The following PPP1R2 variants were observed in gnomAD, a reference collection of about 807,000 sequenced individuals.
PPP1R2 encodes protein phosphatase inhibitor 2.
A neutral mutation model predicts 29.9 loss-of-function variants in PPP1R2; 16 were observed. That is an observed-to-expected ratio of 0.53 (90% CI 0.36 to 0.81). The LOEUF (loss-of-function observed/expected upper bound fraction) is 0.81. PPP1R2 is among the 30% of genes least tolerant of loss of function. The probability of loss-of-function intolerance (pLI) is 0.00; values close to 1 mark genes in which losing one functional copy is unlikely to be tolerated. For missense variants in PPP1R2, 197 were observed against 252.7 expected, an observed-to-expected ratio of 0.78 and a Z score of 1.49; for synonymous variants, 76 against 91.5, an observed-to-expected ratio of 0.83 and a Z score of 0.96.
At chr3:195,519,221 G>A (rs1718665650) in intron 4 of PPP1R2, 36 bp from the exon 5 acceptor site, 28 of 1,481,422 alleles carry the variant, frequency 1.9e-5, no homozygotes, top group Non-Finnish European at 2.5e-5. Flanking sequence ...GGAAGTTTGA[G>A]CTCAAGGATT....
At position 195,523,688 on chromosome 3, in the gene PPP1R2, C is replaced by T. The variant is rs1718853411; in HGVS notation, c.403+4G>A. On this transcript the variant is annotated splice_donor_region_variant and intron_variant, in intron 4 of 5. Transcript: ENST00000618156. ...TGATGAAAGCAGTAAAGGAAATAAA[C>T]TACCTCGTTCTTCAGGTGAGAGGTC... The T allele has an allele frequency of 6.2e-7, 1 of 1,610,592 alleles. No homozygotes were observed. The highest frequency in any genetic ancestry group is 2.2e-5 in the East Asian group (1 of 44,856).
At chr3:195,525,454 A>G (rs924800135) in intron 2 of PPP1R2, among the ~76,000 whole-genome samples, 1 of 152,090 alleles carries the variant, frequency 6.6e-6, no homozygotes, top group Admixed American at 6.5e-5. Context: ...GAATAACTGT[A>G]CTGAAAACGT....
intron 1 of PPP1R2, among the ~76,000 whole-genome samples, chr3:195,533,107 G>C (rs34025597): frequency 0.26 from 39,136 of 152,058 alleles, 6,189 homozygotes; most frequent in Admixed American, 0.44. Context: ...AGCACTTTGG[G>C]AGGCTGAGGC....
At chr3:195,528,197 C>T (rs1006693134) in intron 2 of PPP1R2, among the ~76,000 whole-genome samples, 2 of 152,088 alleles carry the variant, frequency 1.3e-5, no homozygotes, top group African/African-American at 4.8e-5. Flanking sequence ...TATGCCTTTG[C>T]TTAGCTCCCG....
In PPP1R2 at chr3:195,523,775, G is replaced by A. The variant is rs367639364; in HGVS notation, c.320C>T (p.Ala107Val). ...CCGATACTTTGGCTCCAAGCCTTCA[G>A]CTGCAGCTAATCTATGCAACAATCA... is the stretch of plus-strand genomic sequence containing the variant. ...PDILARKLAAAEGLEPKYRIQ... is the reference protein window; with the variant it reads ...PDILARKLAAVEGLEPKYRIQ... The change falls in exon 4 of 6, where the codon GCT (alanine) becomes GTT (valine). Residue 107 changes from alanine (A) to valine (V), a missense_variant. By Grantham distance (64) the Ala-to-Val change is moderately conservative. Around this residue, in one of 3 missense-constraint regions of PPP1R2, gnomAD observed 135 missense variants for 163.0 expected, o/e 0.83. Transcript: ENST00000618156. The A allele has an allele frequency of 6.2e-7, 1 of 1,613,904 alleles. No homozygotes were observed. The highest frequency in any genetic ancestry group is 1.3e-5 in the African/African-American group (1 of 75,042).
intron 5 of PPP1R2, 52 bp downstream of exon 5, chr3:195,518,966 C>T: frequency 1.3e-6 from 2 of 1,591,316 alleles, no homozygotes; most frequent in East Asian, 2.3e-5. Context: ...AGTACATTAT[C>T]TTAGGCATAG....
At chr3:195,522,867 T>A (rs969241439) in intron 4 of PPP1R2, among the ~76,000 whole-genome samples, 1 of 152,218 alleles carries the variant, frequency 6.6e-6, no homozygotes, top group Non-Finnish European at 1.5e-5. Context: ...ACACTTCAAG[T>A]AGGTTTCTAC....
chr3:195,523,553 G>A (rs1008988561), intron 4 of PPP1R2, 139 bp downstream of exon 4: 1 of 665,568 alleles, frequency 1.5e-6, no homozygotes, highest in African/African-American at 1.8e-5. Flanking sequence ...AGTAGTATCT[G>A]AATTATAAAG....
intron 4 of PPP1R2, among the ~76,000 whole-genome samples, chr3:195,520,974 T>A (rs1415148630): frequency 6.6e-6 from 1 of 152,120 alleles, no homozygotes; most frequent in Non-Finnish European, 1.5e-5. Context: ...TGGCCAGTAC[T>A]TTCTTAATTC....
rs1718544558 is a variant in PPP1R2, at chr3:195,516,314, C to T, written c.*582G>A. 1 of 152,440 alleles carries T rather than the reference C, an allele frequency of 6.6e-6. No individual in the cohort carries two copies. The highest frequency in any genetic ancestry group is 2.1e-4 in the South Asian group (1 of 4,820). 9.4% of individuals were successfully genotyped at this position (152,440 alleles called of 1,614,324 possible). On this transcript the variant is annotated 3_prime_UTR_variant, in exon 6 of 6. Coordinates refer to ENST00000618156, the MANE Select transcript of PPP1R2 (RefSeq NM_006241.8). ...AGTTTTGATGAGAAAAAGTTCAGTC[C>T]TTTCCTTGTAAACACAAAGAAACTC...
At chr3:195,540,740 C>T (rs1719563255) in intron 1 of PPP1R2, among the ~76,000 whole-genome samples, 1 of 152,088 alleles carries the variant, frequency 6.6e-6, no homozygotes, top group Admixed American at 6.5e-5. Context: ...ATGCCCTGCA[C>T]CACCTTGGAA....
intron 5 of PPP1R2, among the ~76,000 whole-genome samples, chr3:195,518,263 A>G (rs796406474): frequency 6.6e-6 from 1 of 152,236 alleles, no homozygotes; most frequent in Non-Finnish European, 1.5e-5. Flanking sequence ...AAACAGTTAA[A>G]TAACTTGTCA....
intron 1 of PPP1R2, among the ~76,000 whole-genome samples, chr3:195,537,661 T>C (rs1271765242): frequency 6.6e-6 from 1 of 151,722 alleles, no homozygotes; most frequent in Non-Finnish European, 1.5e-5. Flanking sequence ...TAAACCACAT[T>C]TTATATAACT....
chr3:195,528,424 T>C (rs191710514), intron 2 of PPP1R2, among the ~76,000 whole-genome samples: 27 of 152,330 alleles, frequency 1.8e-4, no homozygotes, highest in Admixed American at 1.3e-3. Context: ...TATTTCATTA[T>C]TTCTTTTTAT....
At chr3:195,538,846 A>G (rs942122020) in intron 1 of PPP1R2, among the ~76,000 whole-genome samples, 2 of 152,226 alleles carry the variant, frequency 1.3e-5, no homozygotes, top group African/African-American at 4.8e-5. Context: ...TAATTCATTT[A>G]ATATTTAAAC....
At chr3:195,524,341 G>A (rs1320925160) in intron 3 of PPP1R2, among the ~76,000 whole-genome samples, 2 of 152,166 alleles carry the variant, frequency 1.3e-5, no homozygotes, top group African/African-American at 4.8e-5. Context: ...GGCCAATATG[G>A]CAAAACACTG....
At chr3:195,524,432 C>T (rs191663313) in intron 3 of PPP1R2, among the ~76,000 whole-genome samples, 282 of 152,140 alleles carry the variant, frequency 1.9e-3, no homozygotes, top group African/African-American at 6.1e-3. Flanking sequence ...GGCTGAGGCA[C>T]GAGAATTGCT....
At chr3:195,538,297 T>C (rs1256847291) in intron 1 of PPP1R2, among the ~76,000 whole-genome samples, 1 of 152,244 alleles carries the variant, frequency 6.6e-6, no homozygotes, top group East Asian at 1.9e-4. Flanking sequence ...GACTTGCTCA[T>C]TTGATAAGTT....
At chr3:195,536,598 G>T (rs556843747) in intron 1 of PPP1R2, among the ~76,000 whole-genome samples, 12 of 151,774 alleles carry the variant, frequency 7.9e-5, no homozygotes, top group African/African-American at 1.2e-4. Flanking sequence ...AGACCAGCCC[G>T]GCCAACATGA....
Sources: allele counts gnomAD v4.1 joint callset (sites outside exome capture counted in the v4.1 genomes callset), GRCh38; gene constraint gnomAD v4.1.1; regional missense constraint gnomAD v4.1.1; transcripts MANE v1.5; gene names NCBI Gene and HGNC (gene_info 2026-07-23, HGNC 2026-07-21).